Variants in PCDHA3 observed in about 807,000 individuals in gnomAD.
PCDHA3 encodes the protein protocadherin alpha 3.
A neutral mutation model predicts 62.2 loss-of-function variants in PCDHA3; 41 were observed. The ratio of observed to expected loss-of-function variants is 0.66; its 90% confidence interval spans 0.51 to 0.86. PCDHA3 has a LOEUF of 0.86. Ranked by LOEUF, PCDHA3 falls within the 40% of genes least tolerant of loss-of-function variation. The pLI is 0.00. For synonymous variants in PCDHA3, 640 were observed against 555.4 expected (o/e 1.15, Z -2.14); for missense variants, 1,304 against 1,241.2 (o/e 1.05, Z -0.76).
chr5:140,811,938 C>T (rs920175473), intron 1 of PCDHA3: 4 of 152,080 alleles, frequency 2.6e-5, no homozygotes, highest in Admixed American at 2.0e-4. Context: ...AATTTTCTCC[C>T]ATTCTGTAGG....
chr5:140,823,034 A>T (rs199730763), intron 1 of PCDHA3: 48 of 1,614,070 alleles, frequency 3.0e-5, no homozygotes, highest in Non-Finnish European at 8.5e-7. Context: ...GTGTCGGTCT[A>T]TGAGCTGGTG....
At chr5:140,846,342 C>CTTTCTCT (rs1780336698) in intron 1 of PCDHA3, among the ~76,000 whole-genome samples, 1 of 138,926 alleles carries the variant, frequency 7.2e-6, no homozygotes, top group Non-Finnish European at 1.6e-5. Flanking sequence ...TTTTAAAGTG[C>CTTTCTCT]TTTCTCTTTT....
At chr5:140,907,873 CACTCA>C (rs2073658134) in intron 1 of PCDHA3, among the ~76,000 whole-genome samples, 1 of 152,226 alleles carries the variant, frequency 6.6e-6, no homozygotes, top group Non-Finnish European at 1.5e-5. Context: ...CGTTGGTGAG[CACTCA>C]CATGGGATAC....
chr5:140,969,450 G>GTA (rs782343162), intron 1 of PCDHA3: 4 of 1,511,552 alleles, frequency 2.6e-6, no homozygotes, highest in Non-Finnish European at 3.6e-6. Flanking sequence ...GGTAAACTGA[G>GTA]TATATATAGT....
chr5:140,926,128 CGCAGCAGGATCCAGCGCGGAAAGCTCT>C (rs1157627097), intron 1 of PCDHA3, among the ~76,000 whole-genome samples: 1 of 152,278 alleles, frequency 6.6e-6, no homozygotes, highest in East Asian at 1.9e-4. Flanking sequence ...GACTTCAACC[CGCAGCAGGATCCAGCGCGGAAAGCTCT>C]GCAGCAGGAT....
At chr5:140,857,050 G>T in intron 1 of PCDHA3, 1 of 1,595,508 alleles carries the variant, frequency 6.3e-7, no homozygotes, top group Non-Finnish European at 8.6e-7. Flanking sequence ...GTCACTGCAC[G>T]GTCCTAGTGG....
chr5:140,915,222 C>T (rs2153533644), intron 1 of PCDHA3, among the ~76,000 whole-genome samples: 1 of 152,292 alleles, frequency 6.6e-6, no homozygotes, highest in South Asian at 2.1e-4. Context: ...GCTGGGATTA[C>T]AGGCATGAGC....
At chr5:140,883,528 C>T in intron 1 of PCDHA3, 1 of 1,614,248 alleles carries the variant, frequency 6.2e-7, no homozygotes, top group South Asian at 1.1e-5. Flanking sequence ...GCGTATCAGC[C>T]TATGAACTGG....
chr5:140,997,380 C>T (rs1554255860), intron 3 of PCDHA3, among the ~76,000 whole-genome samples: 1 of 152,112 alleles, frequency 6.6e-6, no homozygotes. Flanking sequence ...ATATAGCATA[C>T]TACACACTTA....
chr5:140,877,037 C>T lies in PCDHA3; in HGVS notation c.2394+73446C>T, dbSNP rs782624599. ...AGCGGCAAGGTGTACGCGCTGCAGC[C>T]GCTAGACCACGAGGAGCTGGAGCTG... On this transcript the variant is annotated intron_variant, in intron 1 of 3. Transcript: ENST00000522353. 6.8e-6 allele frequency: 11 copies of T among 1,612,374 alleles called. No individual in the cohort carries two copies. Among genetic ancestry groups the T allele is most frequent in the Admixed American group, 5.0e-5 (3 of 59,998 alleles).
At chr5:140,850,853 G>T in intron 1 of PCDHA3, 1 of 1,595,240 alleles carries the variant, frequency 6.3e-7, no homozygotes, top group Non-Finnish European at 8.6e-7. Context: ...CAGAGCGAAC[G>T]GGAGAACCCT....
intron 1 of PCDHA3, chr5:140,849,920 C>T (rs2041223801): frequency 6.3e-7 from 1 of 1,598,270 alleles, no homozygotes; most frequent in Non-Finnish European, 8.6e-7. Flanking sequence ...GCCACATCTT[C>T]ACGGTGTCTG....
At chr5:140,876,395 T>C (rs1562712555) in intron 1 of PCDHA3, 2 of 1,613,920 alleles carry the variant, frequency 1.2e-6, no homozygotes, top group Non-Finnish European at 8.5e-7. Flanking sequence ...TATGGTGAAC[T>C]GGATTTTGAA....
chr5:140,843,436 C>G (rs2150359840), intron 1 of PCDHA3: 2 of 1,596,080 alleles, frequency 1.3e-6, no homozygotes, highest in Non-Finnish European at 8.6e-7. Flanking sequence ...TCGCCATCTG[C>G]GCGGTATCCA....
intron 1 of PCDHA3, chr5:140,927,256 CCT>C (rs2084020732): frequency 1.2e-6 from 2 of 1,614,144 alleles, no homozygotes; most frequent in Non-Finnish European, 1.7e-6. Flanking sequence ...TGACAACTCA[CCT>C]CTCTTTCCTG....
chr5:140,928,687 C>G (rs782599747), intron 1 of PCDHA3: 1 of 1,614,142 alleles, frequency 6.2e-7, no homozygotes, highest in Non-Finnish European at 8.5e-7. Flanking sequence ...GCTTTCCTAC[C>G]ACATCTCCCG....
intron 1 of PCDHA3, among the ~76,000 whole-genome samples, chr5:140,944,665 A>G (rs782357699): frequency 1.1e-4 from 17 of 152,138 alleles, no homozygotes; most frequent in Non-Finnish European, 2.5e-4. Flanking sequence ...CCCCTTATTT[A>G]TCTATTCTGT....
At chr5:140,883,667 A>G in intron 1 of PCDHA3, 1 of 1,613,568 alleles carries the variant, frequency 6.2e-7, no homozygotes. Context: ...CGTGAAGGAA[A>G]ACAATCCGCC....
chr5:140,820,670 A>G (rs2150107563), intron 1 of PCDHA3, among the ~76,000 whole-genome samples: 62 of 152,214 alleles, frequency 4.1e-4, no homozygotes, highest in Admixed American at 2.8e-3. Flanking sequence ...TAATATAAAG[A>G]TAGCCTGGTT....
Sources: allele counts gnomAD v4.1 joint callset (sites outside exome capture counted in the v4.1 genomes callset), GRCh38; gene constraint gnomAD v4.1.1; transcripts MANE v1.5; gene names NCBI Gene and HGNC (gene_info 2026-07-23, HGNC 2026-07-21).